Variants in EGR2 observed in about 807,000 individuals in gnomAD.
The protein encoded by EGR2 is E3 SUMO-protein ligase EGR2.
In EGR2, 2 loss-of-function variants were observed where a neutral mutation model predicts 21.2. The ratio of observed to expected loss-of-function variants is 0.09; its 90% CI spans 0.04 to 0.30. The LOEUF (loss-of-function observed/expected upper bound fraction) is 0.30, where lower values mean the gene tolerates loss of function less well. Ranked by LOEUF, EGR2 falls within the 10% of genes least tolerant of loss-of-function variation. The pLI is 1.00. For missense variants in EGR2, 458 were observed against 630.2 expected (o/e 0.73, Z 2.93); for synonymous variants, 282 against 258.2 (o/e 1.09, Z -0.88).
upstream of EGR2, among the ~76,000 whole-genome samples, chr10:62,817,538 C>A (rs890249548): frequency 2.0e-5 from 3 of 152,018 alleles, no homozygotes; most frequent in African/African-American, 4.8e-5. This position sits in a 1 kb window ranked among gnomAD's most constrained non-coding sequence, Gnocchi z 4.4. Context: ...TCCCCCTGAC[C>A]CCCATAGCCC....
At chr10:62,817,371 T>C (rs1838276901), upstream of EGR2, among the ~76,000 whole-genome samples, 1 of 152,024 alleles carries the variant, frequency 6.6e-6, no homozygotes, top group Non-Finnish European at 1.5e-5. The surrounding 1 kb of genome is among the most constrained non-coding windows in gnomAD (Gnocchi z 4.4). Context: ...ACACACCCGC[T>C]CACACACCTT....
Position 62,813,921 on chromosome 10 carries a change from A to G in EGR2, c.717T>C (p.His239=), listed in dbSNP as rs1281788488. Residue 239 remains histidine, a synonymous_variant, in exon 2 of 2, where the codon CAT becomes CAC. Coordinates refer to ENST00000242480, the MANE Select transcript of EGR2 (RefSeq NM_000399.5). This position sits in a 1 kb window ranked among gnomAD's most constrained non-coding sequence, Gnocchi z 5.7. ...FFPSQCQRDL[H]GTAGPDRKPF... ...GCTTACGGTCTGGGCCAGCTGTACC[A>G]TGTAGGTCTCTCTGGCACTGAGATG... The G allele has an allele frequency of 6.2e-7, 1 of 1,614,192 alleles. No homozygotes were observed. The highest frequency in any genetic ancestry group is 8.5e-7 in the Non-Finnish European group (1 of 1,180,014).
rs1169044324 is a variant in EGR2, at chr10:62,813,071, T to C, written c.*136A>G. On this transcript the variant is annotated 3_prime_UTR_variant, in exon 2 of 2. Transcript: ENST00000242480. This position sits in a 1 kb window ranked among gnomAD's most constrained non-coding sequence, Gnocchi z 5.7. The stretch of plus-strand genomic sequence containing the variant: ...CTGCTTCTAGGTGGAAAGGGGGCAG[T>C]GCTAGCTCCACCAAAGCCCTTTGCC... The C allele has an allele frequency of 2.0e-6, 2 of 993,922 alleles. No homozygotes were observed. The highest frequency in any genetic ancestry group is 4.9e-5 in the Admixed American group (2 of 40,618). The allele number at this position is 993,922 out of a possible 1,614,324, so 61.6% of individuals were successfully genotyped here.
At position 62,812,305 on chromosome 10, in the gene EGR2, A is replaced by AT. The variant is rs1842128060; in HGVS notation, c.*901dup. ...TTTTTTCTCCATAATAAGGCAACCCATTTACATGCAGACCTTGTAACATTG... is the reference window on the plus strand; with the variant it reads ...TTTTTTCTCCATAATAAGGCAACCCATTTTACATGCAGACCTTGTAACATTG... On this transcript the variant is annotated 3_prime_UTR_variant, in exon 2 of 2. Transcript: ENST00000242480. The AT allele has an allele frequency of 6.5e-6, 1 of 152,762 alleles. No individual in the cohort carries two copies. The highest frequency in any genetic ancestry group is 1.5e-5 in the Non-Finnish European group (1 of 68,036). 9.5% of individuals were successfully genotyped at this position (152,762 alleles called of 1,614,324 possible).
chr10:62,815,736 G>C, intron 1 of EGR2, 125 bp downstream of exon 1: 1 of 1,259,368 alleles, frequency 7.9e-7, no homozygotes, highest in Non-Finnish European at 1.1e-6. Flanking sequence ...AGTCTTCAAA[G>C]CCAGTGCAGT....
upstream of EGR2, chr10:62,818,470 A>T: frequency 2.2e-6 from 2 of 921,584 alleles, no homozygotes; most frequent in Non-Finnish European, 2.8e-6. Context: ...CCCAGCAAAA[A>T]TGTGCAAAGT....
At position 62,813,785 on chromosome 10, in the gene EGR2, C is replaced by A; in HGVS notation, c.853G>T (p.Ala285Ser). The part of the protein sequence containing the change: ...GPSAGVTGPG[A>S]SGGSEGPRLP... The stretch of plus-strand genomic sequence containing the variant: ...CGGGGTCCCTCGCTGCCTCCACTGG[C>A]CCCTGGTCCGGTCACCCCAGCACTG... Residue 285 changes from alanine (A) to serine (S), a missense_variant, in exon 2 of 2, where the codon GCC becomes TCC. By Grantham distance (99) the Ala-to-Ser change is moderately conservative. This residue lies in a region of EGR2 where 253 missense variants were observed against 315.5 expected (regional missense o/e 0.80). Coordinates refer to ENST00000242480, the MANE Select transcript of EGR2 (RefSeq NM_000399.5). The surrounding 1 kb of genome is among the most constrained non-coding windows in gnomAD (Gnocchi z 5.7). 6.2e-7 allele frequency: 1 copy of A among 1,613,246 alleles called. No individual in the cohort carries two copies. Among genetic ancestry groups the A allele is most frequent in the East Asian group, 2.2e-5 (1 of 44,858 alleles).
upstream of EGR2, chr10:62,819,092 T>C (rs1442137490): frequency 6.6e-6 from 1 of 152,258 alleles, no homozygotes; most frequent in Non-Finnish European, 1.5e-5. Context: ...TTAGAGTAAA[T>C]GAGAGTGACT....
rs369965677 is a variant in EGR2, at chr10:62,815,449, T to G, written c.169+412A>C. ...TACCGACGCTTTCCCCTGGCGCTTC[T>G]CCGCCGCTCGGCTCTCCAGGCGCGC... On this transcript the variant is annotated intron_variant, in intron 1 of 1. Transcript: ENST00000242480. Among the ~76,000 whole-genome samples the G allele has an allele frequency of 3.9e-5, 6 of 152,326 alleles. No homozygotes were observed. The East Asian group carries it at 7.7e-4, about 20-fold the overall frequency.
At position 62,816,057 on chromosome 10, in the gene EGR2, A is replaced by C; in HGVS notation, c.-28T>G. 1 of 1,613,826 alleles carries C rather than the reference A, an allele frequency of 6.2e-7. No individual in the cohort carries two copies. The highest frequency in any genetic ancestry group is 2.2e-5 in the East Asian group (1 of 44,874). ...GCTCCTCGCACAACCTGGAGACCCAACTCCCTCGCTACCTGGAGTGTCAGA... is the reference window on the plus strand; with the variant it reads ...GCTCCTCGCACAACCTGGAGACCCACCTCCCTCGCTACCTGGAGTGTCAGA... On this transcript the variant is annotated 5_prime_UTR_variant, in exon 1 of 2. Coordinates refer to ENST00000242480, the MANE Select transcript of EGR2 (RefSeq NM_000399.5).
chr10:62,816,949 A>G (rs1842285770), upstream of EGR2, among the ~76,000 whole-genome samples: 1 of 152,106 alleles, frequency 6.6e-6, no homozygotes, highest in African/African-American at 2.4e-5. Flanking sequence ...TTTCTGAATT[A>G]CTTGGTGGAA....
Position 62,814,331 on chromosome 10 carries a change from G to A in EGR2, c.307C>T (p.Pro103Ser). ...MGKFSIDPQYPGASCYPEGII... is the reference protein window; with the variant it reads ...MGKFSIDPQYSGASCYPEGII... ...CCTTCTGGGTAGCAGCTGGCACCAG[G>A]GTACTGAGGGTCAATGGAGAACTTG... Residue 103 changes from proline to serine, a missense_variant, in exon 2 of 2, where the codon CCT becomes TCT. By Grantham distance (74) the Pro-to-Ser change is moderately conservative. Transcript: ENST00000242480. This position sits in a 1 kb window ranked among gnomAD's most constrained non-coding sequence, Gnocchi z 4.8. The A allele has an allele frequency of 6.8e-6, 11 of 1,614,104 alleles. No individual in the cohort carries two copies. The highest frequency in any genetic ancestry group is 9.3e-6 in the Non-Finnish European group (11 of 1,180,010).
upstream of EGR2, chr10:62,816,441 G>T: frequency 9.2e-7 from 1 of 1,082,254 alleles, no homozygotes. Context: ...TATATGGACT[G>T]AGGAACAGGG....
Position 62,813,220 on chromosome 10 carries a change from G to T in EGR2, c.1418C>A (p.Thr473Asn). ...GGPLAPCSSRTRTP is the reference protein window; with the variant it reads ...GGPLAPCSSRNRTP ...CTGAGTCTCATCTCAAGGTGTCCGG[G>T]TCCGAGAGGAGCAAGGGGCGAGCGG... Residue 473 changes from threonine (T) to asparagine (N), a missense_variant, in exon 2 of 2, where the codon ACC becomes AAC. This residue lies in a region of EGR2 where 69 missense variants were observed against 70.4 expected (regional missense o/e 0.98). Transcript: ENST00000242480. The surrounding 1 kb of genome is among the most constrained non-coding windows in gnomAD (Gnocchi z 5.7). 1 of 1,568,578 alleles carries T rather than the reference G, an allele frequency of 6.4e-7. No individual in the cohort carries two copies. Among genetic ancestry groups the T allele is most frequent in the Non-Finnish European group, 8.6e-7 (1 of 1,160,706 alleles).
chr10:62,816,321 G>C lies in EGR2; in HGVS notation c.-292C>G. ...TGGTGTAGTGTTATTATAACAGTCA[G>C]TGAGTCCCCTCGCCGAGCTATTAAT... On this transcript the variant is annotated 5_prime_UTR_variant, in exon 1 of 2. Transcript: ENST00000242480. 1.6e-6 allele frequency: 2 copies of C among 1,289,650 alleles called. No individual in the cohort carries two copies. Among genetic ancestry groups the C allele is most frequent in the South Asian group, 3.1e-5 (2 of 64,106 alleles). 79.9% of individuals were successfully genotyped at this position (1,289,650 alleles called of 1,614,324 possible). A position where few individuals can be genotyped will look rare whatever the true frequency, so the allele number is the denominator to read the frequency against.
upstream of EGR2, among the ~76,000 whole-genome samples, chr10:62,817,592 C>T (rs113240918): frequency 5.8e-4 from 88 of 152,176 alleles, no homozygotes; most frequent in African/African-American, 1.9e-3. The surrounding 1 kb of genome is among the most constrained non-coding windows in gnomAD (Gnocchi z 4.4). Flanking sequence ...CCAGAATACA[C>T]GTACTAGAAT....
chr10:62,814,325 C>T lies in EGR2; in HGVS notation c.313G>A (p.Ala105Thr), dbSNP rs1296065413. 6.2e-7 allele frequency: 1 copy of T among 1,614,026 alleles called. No homozygotes were observed. Among genetic ancestry groups the T allele is most frequent in the East Asian group, 2.2e-5 (1 of 44,900 alleles). ...ATTATGCCTTCTGGGTAGCAGCTGGCACCAGGGTACTGAGGGTCAATGGAG... is the reference window on the plus strand; with the variant it reads ...ATTATGCCTTCTGGGTAGCAGCTGGTACCAGGGTACTGAGGGTCAATGGAG... ...KFSIDPQYPG[A>T]SCYPEGIINI... Residue 105 changes from alanine to threonine, a missense_variant, in exon 2 of 2, where the codon GCC becomes ACC. Around this residue, in one of 5 missense-constraint regions of EGR2, gnomAD observed 253 missense variants for 315.5 expected, o/e 0.80. Coordinates refer to ENST00000242480, the MANE Select transcript of EGR2 (RefSeq NM_000399.5). This position sits in a 1 kb window ranked among gnomAD's most constrained non-coding sequence, Gnocchi z 4.8.
Position 62,813,843 on chromosome 10 carries a change from G to C in EGR2, c.795C>G (p.Leu265=). 2 of 1,614,194 alleles carry C rather than the reference G, an allele frequency of 1.2e-6. No individual in the cohort carries two copies. The highest frequency in any genetic ancestry group is 1.7e-6 in the Non-Finnish European group (2 of 1,180,042). Residue 265 remains leucine (L), a synonymous_variant, in exon 2 of 2, where the codon CTC becomes CTG. Coordinates refer to ENST00000242480, the MANE Select transcript of EGR2 (RefSeq NM_000399.5). The surrounding 1 kb of genome is among the most constrained non-coding windows in gnomAD (Gnocchi z 5.7). ...CCAGGGTAAAGTTACGGATTGTAGA[G>C]AGTGGAGTGAGTGGAGGGGGCACCC... ...TLRVPPPLTP[L]STIRNFTLGG... is the part of the protein sequence containing the mutation.
At chr10:62,816,738 G>A (rs1374090916), upstream of EGR2, among the ~76,000 whole-genome samples, 11 of 152,168 alleles carry the variant, frequency 7.2e-5, no homozygotes, top group African/African-American at 1.2e-4. Flanking sequence ...CAAAAAAGGC[G>A]AAGATCCGGT....
Sources: allele counts gnomAD v4.1 joint callset (sites outside exome capture counted in the v4.1 genomes callset), GRCh38; gene constraint gnomAD v4.1.1; regional missense constraint gnomAD v4.1.1; non-coding constraint Gnocchi (gnomAD v3.1); transcripts MANE v1.5; gene names NCBI Gene and HGNC (gene_info 2026-07-23, HGNC 2026-07-21).